The following SLC44A1 variants were observed in gnomAD, a reference collection of about 807,000 sequenced individuals.
The protein encoded by SLC44A1 is choline transporter-like protein 1.
A neutral mutation model predicts 79.3 loss-of-function variants in SLC44A1; 26 were observed. That is an observed-to-expected ratio of 0.33 (90% CI 0.24 to 0.46). SLC44A1 has a LOEUF of 0.46. SLC44A1 is among the 20% of genes least tolerant of loss of function. SLC44A1 has a pLI of 1.00. For missense variants in SLC44A1, 688 were observed against 798.1 expected, an observed-to-expected ratio of 0.86 and a Z score of 1.66; for synonymous variants, 263 against 286.2, an observed-to-expected ratio of 0.92 and a Z score of 0.82.
In SLC44A1 at chr9:105,365,530, G is replaced by A. The variant is rs1827913067; in HGVS notation, c.1301G>A (p.Arg434His). The A allele has an allele frequency of 6.2e-7, 1 of 1,613,178 alleles. No homozygotes were observed. Among genetic ancestry groups the A allele is most frequent in the Non-Finnish European group, 8.5e-7 (1 of 1,179,378 alleles). The change falls in exon 11 of 16, where the codon CGC becomes CAC. Residue 434 changes from arginine to histidine, a missense_variant. Transcript: ENST00000374720. ...ACACCTATTTTGGCATCAGTAAATCGCCTTATTCGTTACCACCTAGGTACG... is the reference window on the plus strand; with the variant it reads ...ACACCTATTTTGGCATCAGTAAATCACCTTATTCGTTACCACCTAGGTACG... The part of the protein sequence containing the change: ...PFTPILASVN[R>H]LIRYHLGTVA...
Position 105,366,329 on chromosome 9 carries a change from AT to A in SLC44A1, c.1411-12del, listed in dbSNP as rs1219690726. On this transcript the variant is annotated splice_polypyrimidine_tract_variant and intron_variant, in intron 11 of 15. Transcript: ENST00000374720. The stretch of plus-strand genomic sequence containing the variant: ...ATTCTTTGGTTTTTTTATTATTTCC[AT>A]TTTTCCCCCATCCAGGAAAATGCTT... 1.4e-5 allele frequency: 20 copies of A among 1,393,588 alleles called. No homozygotes were observed. The highest frequency in any genetic ancestry group is 5.2e-5 in the Admixed American group (2 of 38,544). The allele number at this position is 1,393,588 out of a possible 1,614,324, so 86.3% of individuals were successfully genotyped here. A position where few individuals can be genotyped will look rare whatever the true frequency, so the allele number is the denominator to read the frequency against.
At chr9:105,308,343 A>G (rs146324936) in intron 2 of SLC44A1, among the ~76,000 whole-genome samples, 10 of 152,344 alleles carry the variant, frequency 6.6e-5, no homozygotes, top group African/African-American at 2.4e-4. Flanking sequence ...ACATCATTTA[A>G]TCCTCACAAC....
At chr9:105,305,842 CCTTTT>C (rs1564426821) in intron 2 of SLC44A1, among the ~76,000 whole-genome samples, 1 of 134,382 alleles carries the variant, frequency 7.4e-6, no homozygotes, top group African/African-American at 3.0e-5. Context: ...AAAAGTGTGT[CCTTTT>C]TTTTTTTTTT....
At chr9:105,310,435 T>A (rs1430712180) in intron 3 of SLC44A1, among the ~76,000 whole-genome samples, 1 of 152,196 alleles carries the variant, frequency 6.6e-6, no homozygotes, top group African/African-American at 2.4e-5. Flanking sequence ...AGGGCTATCA[T>A]TTTGTTTTTA....
At position 105,366,364 on chromosome 9, in the gene SLC44A1, T is replaced by G. The variant is rs1827941782; in HGVS notation, c.1429T>G (p.Cys477Gly). 2.0e-6 allele frequency: 3 copies of G among 1,513,030 alleles called. No individual in the cohort carries two copies. Among genetic ancestry groups the G allele is most frequent in the African/African-American group, 1.4e-5 (1 of 70,382 alleles). 93.7% of individuals were successfully genotyped at this position (1,513,030 alleles called of 1,614,324 possible). A position where few individuals can be genotyped will look rare whatever the true frequency, so the allele number is the denominator to read the frequency against. The change falls in exon 12 of 16, where the codon TGT (cysteine) becomes GGT (glycine). Residue 477 changes from cysteine to glycine, a missense_variant. Cys to Gly is a radical substitution (Grantham distance 159). Coordinates refer to ENST00000374720, the MANE Select transcript of SLC44A1 (RefSeq NM_080546.5). The part of the protein sequence containing the change: ...LKGKENACAR[C>G]VLKSCICCLW... ...CATCCAGGAAAATGCTTGTGCACGA[T>G]GTGTGCTGAAATCTTGCATTTGTTG...
intron 15 of SLC44A1, among the ~76,000 whole-genome samples, chr9:105,434,521 G>A (rs1030018042): frequency 6.6e-6 from 1 of 152,166 alleles, no homozygotes; most frequent in African/African-American, 2.4e-5. Flanking sequence ...CATTCCGGGG[G>A]ATTCAATATC....
In SLC44A1 at chr9:105,390,175, G is replaced by T; in HGVS notation, c.*1119G>T. ...GTGTGACTGTTGTTTTTGTTTGGGG[G>T]TGGGTTTGGGGTTTTTTGCTTTTTT... On this transcript the variant is annotated 3_prime_UTR_variant, in exon 16 of 16. Coordinates refer to ENST00000374720, the MANE Select transcript of SLC44A1 (RefSeq NM_080546.5). 4 of 1,193,842 alleles carry T rather than the reference G, an allele frequency of 3.4e-6. No individual in the cohort carries two copies. The highest frequency in any genetic ancestry group is 4.2e-6 in the Non-Finnish European group (4 of 961,946). 74.0% of individuals were successfully genotyped at this position (1,193,842 alleles called of 1,614,324 possible). A position where few individuals can be genotyped will look rare whatever the true frequency, so the allele number is the denominator to read the frequency against.
intron 15 of SLC44A1, chr9:105,386,521 G>A (rs1439877388): frequency 1.6e-6 from 1 of 608,966 alleles, no homozygotes; most frequent in Non-Finnish European, 2.1e-6. Context: ...GGCCGCATAT[G>A]GCTTAGGAAG....
At chr9:105,304,763 C>CT (rs1830972757) in intron 2 of SLC44A1, among the ~76,000 whole-genome samples, 1 of 151,940 alleles carries the variant, frequency 6.6e-6, no homozygotes, top group East Asian at 1.9e-4. Context: ...AGTTTTCAGT[C>CT]TTCCTTGTCT....
At chr9:105,303,706 G>C (rs1830941054) in intron 2 of SLC44A1, among the ~76,000 whole-genome samples, 1 of 152,178 alleles carries the variant, frequency 6.6e-6, no homozygotes, top group South Asian at 2.1e-4. Context: ...TAGAAGGGGA[G>C]GCCTCAAGAG....
intron 1 of SLC44A1, among the ~76,000 whole-genome samples, chr9:105,296,485 T>A (rs1830724648): frequency 1.3e-5 from 2 of 152,204 alleles, no homozygotes; most frequent in Non-Finnish European, 2.9e-5. Context: ...TGGTCTAAGG[T>A]AAAAATACTA....
chr9:105,349,140 TTAGG>T (rs1344269086), intron 5 of SLC44A1, among the ~76,000 whole-genome samples: 2 of 152,170 alleles, frequency 1.3e-5, no homozygotes, highest in Admixed American at 6.6e-5. Context: ...ATGCTCAGAA[TTAGG>T]TAGGTATACG....
At chr9:105,431,049 A>T (rs1829386178) in intron 15 of SLC44A1, among the ~76,000 whole-genome samples, 2 of 152,198 alleles carry the variant, frequency 1.3e-5, no homozygotes, top group Admixed American at 1.3e-4. Flanking sequence ...ATACATTCAT[A>T]TGATGAAGTC....
chr9:105,271,540 A>T (rs925956395), intron 1 of SLC44A1, among the ~76,000 whole-genome samples: 1 of 152,242 alleles, frequency 6.6e-6, no homozygotes, highest in Non-Finnish European at 1.5e-5. Context: ...TGTGTTTGGC[A>T]AAAGTGGTTT....
In SLC44A1 at chr9:105,390,504, G is replaced by T; in HGVS notation, c.*1448G>T. The stretch of plus-strand genomic sequence containing the variant: ...GGAGAATCTTTTGAAAGAAAGCATT[G>T]CCTCCTACCAGAACTAGACAGTGAA... On this transcript the variant is annotated 3_prime_UTR_variant, in exon 16 of 16. Coordinates refer to ENST00000374720, the MANE Select transcript of SLC44A1 (RefSeq NM_080546.5). 1 of 980,054 alleles carries T rather than the reference G, an allele frequency of 1.0e-6. No homozygotes were observed. Among genetic ancestry groups the T allele is most frequent in the African/African-American group, 1.8e-5 (1 of 55,664 alleles). 60.7% of individuals were successfully genotyped at this position (980,054 alleles called of 1,614,324 possible). A position where few individuals can be genotyped will look rare whatever the true frequency, so the allele number is the denominator to read the frequency against.
intron 4 of SLC44A1, among the ~76,000 whole-genome samples, chr9:105,341,180 C>T (rs1487967789): frequency 2.0e-5 from 3 of 151,794 alleles, no homozygotes; most frequent in Non-Finnish European, 2.9e-5. Context: ...ACTAAAACTA[C>T]AAAAATTAGC....
At chr9:105,433,659 A>T (rs1588883095) in intron 15 of SLC44A1, among the ~76,000 whole-genome samples, 1 of 91,298 alleles carries the variant, frequency 1.1e-5, no homozygotes, top group South Asian at 4.0e-4. Context: ...TGCCCAACCC[A>T]TCTCCTAGAA....
intron 14 of SLC44A1, 45 bp downstream of exon 14, chr9:105,383,404 C>A: frequency 1.9e-6 from 2 of 1,050,308 alleles, no homozygotes; most frequent in Non-Finnish European, 1.5e-6. Flanking sequence ...ATAAAAATAC[C>A]AATAAAAATA....
At chr9:105,337,682 A>G (rs1826965358) in intron 4 of SLC44A1, among the ~76,000 whole-genome samples, 1 of 152,200 alleles carries the variant, frequency 6.6e-6, no homozygotes, top group Admixed American at 6.5e-5. Flanking sequence ...ACTGTCTTCC[A>G]ATATATCTTC....
Sources: gnomAD v4.1 joint callset for allele counts (sites outside exome capture counted in the v4.1 genomes callset) on GRCh38, gnomAD v4.1.1 for gene constraint, MANE v1.5 for transcripts, NCBI Gene and HGNC (gene_info 2026-07-23, HGNC 2026-07-21) for gene names.